MACROD2: variants seen among roughly 807,000 people sequenced by gnomAD.
MACROD2 encodes mono-ADP ribosylhydrolase 2.
In MACROD2, 36 loss-of-function variants were observed where a neutral mutation model predicts 70.4. The observed-to-expected ratio is 0.51, with a 90% confidence interval of 0.39 to 0.68. The LOEUF (loss-of-function observed/expected upper bound fraction) is 0.68. Ranked by LOEUF, MACROD2 falls within the 30% of genes least tolerant of loss-of-function variation. MACROD2 has a pLI of 0.00. For synonymous variants in MACROD2, 172 were observed against 178.8 expected, an observed-to-expected ratio of 0.96 and a Z score of 0.30; for missense variants, 496 against 538.4, an observed-to-expected ratio of 0.92 and a Z score of 0.78.
Position 13,995,587 on chromosome 20 carries a change from G to A in MACROD2, c.-177G>A. On this transcript the variant is annotated 5_prime_UTR_variant, in exon 1 of 18. Transcript: ENST00000684519. This position sits in a 1 kb window ranked among gnomAD's most constrained non-coding sequence, Gnocchi z 4.3. ...GGGTGGGAGCCGGAGCCGAGCGCGGGCTGAGGGAGGAGGGCGGCGACTGGA... is the reference window on the plus strand; with the variant it reads ...GGGTGGGAGCCGGAGCCGAGCGCGGACTGAGGGAGGAGGGCGGCGACTGGA... 1.4e-6 allele frequency: 1 copy of A among 690,628 alleles called. No homozygotes were observed. Among genetic ancestry groups the A allele is most frequent in the East Asian group, 2.7e-5 (1 of 36,614 alleles). 42.8% of individuals were successfully genotyped at this position (690,628 alleles called of 1,614,324 possible). A position where few individuals can be genotyped will look rare whatever the true frequency, so the allele number is the denominator to read the frequency against.
chr20:15,029,284 T>A (rs1479493395), intron 5 of MACROD2, among the ~76,000 whole-genome samples: 1 of 152,234 alleles, frequency 6.6e-6, no homozygotes, highest in East Asian at 1.9e-4. Flanking sequence ...TAAATTCTCA[T>A]TCTAATTCAG....
intron 3 of MACROD2, among the ~76,000 whole-genome samples, chr20:14,146,298 G>T (rs1031174265): frequency 1.3e-5 from 2 of 152,036 alleles, no homozygotes; most frequent in African/African-American, 2.4e-5. Flanking sequence ...CAGCCTGGGC[G>T]ACAGAGCGAG....
At chr20:14,792,973 T>G (rs1368494631) in intron 5 of MACROD2, among the ~76,000 whole-genome samples, 1 of 152,060 alleles carries the variant, frequency 6.6e-6, no homozygotes, top group African/African-American at 2.4e-5. Flanking sequence ...TAATTGTTTA[T>G]GCAATCATCT....
At chr20:15,234,007 A>ATTTTTTTTTTTTTTTT (rs2076986527) in intron 6 of MACROD2, among the ~76,000 whole-genome samples, 2 of 49,662 alleles carry the variant, frequency 4.0e-5, no homozygotes, top group African/African-American at 6.4e-5. Flanking sequence ...ATATATATAT[A>ATTTTTTTTTTTTTTTT]TATTCTTTTT....
At chr20:14,035,694 C>T (rs748840337) in intron 2 of MACROD2, among the ~76,000 whole-genome samples, 12 of 152,258 alleles carry the variant, frequency 7.9e-5, no homozygotes, top group Non-Finnish European at 1.6e-4. Flanking sequence ...TGAATAATAA[C>T]GTATATGGTT....
chr20:14,415,340 T>C (rs2083792177), intron 3 of MACROD2, among the ~76,000 whole-genome samples: 1 of 148,906 alleles, frequency 6.7e-6, no homozygotes, highest in African/African-American at 2.6e-5. Context: ...TTTTGAATTT[T>C]ACAGTTGAAC....
intron 6 of MACROD2, among the ~76,000 whole-genome samples, chr20:15,414,393 C>T (rs2046118919): frequency 6.6e-6 from 1 of 152,164 alleles, no homozygotes; most frequent in East Asian, 1.9e-4. Context: ...CTTGTCTGCA[C>T]ATTTATGTTT....
rs2146109208 is a variant in MACROD2, at chr20:15,292,401, C to T, written c.540+62340C>T. ...GGAGGTATTTAGTAAAAAATTGTTGCACCTATCTTTTTCTTAGCTTATCAC... is the reference window on the plus strand; with the variant it reads ...GGAGGTATTTAGTAAAAAATTGTTGTACCTATCTTTTTCTTAGCTTATCAC... On this transcript the variant is annotated intron_variant, in intron 6 of 17. Coordinates refer to ENST00000684519, the MANE Select transcript of MACROD2 (RefSeq NM_001351661.2). 1.3e-5 allele frequency among the ~76,000 whole-genome samples: 2 copies of T among 152,278 alleles called. 1 individual carries two copies. Among genetic ancestry groups the T allele is most frequent in the South Asian group, 4.1e-4 (2 of 4,830 alleles).
At chr20:14,855,677 G>A (rs1227634085) in intron 5 of MACROD2, among the ~76,000 whole-genome samples, 2 of 137,386 alleles carry the variant, frequency 1.5e-5, no homozygotes, top group East Asian at 2.2e-4. Flanking sequence ...GCATACAATG[G>A]CTTATTGTAA....
intron 3 of MACROD2, among the ~76,000 whole-genome samples, chr20:14,117,232 A>G (rs1238235928): frequency 6.6e-6 from 1 of 152,072 alleles, no homozygotes; most frequent in Non-Finnish European, 1.5e-5. Context: ...CAGTCTTCCA[A>G]TTTCTGTTGA....
At chr20:15,421,354 A>G (rs1030243351) in intron 6 of MACROD2, among the ~76,000 whole-genome samples, 6 of 145,430 alleles carry the variant, frequency 4.1e-5, no homozygotes, top group African/African-American at 1.0e-4. Context: ...ACTCCAACCT[A>G]GGTGACAGAG....
In MACROD2 at chr20:14,881,340, C is replaced by G. The variant is rs958665305; in HGVS notation, c.418+196381C>G. On this transcript the variant is annotated intron_variant, in intron 5 of 17. Transcript: ENST00000684519. ...CTACCACCTCTGTTGACTTAAAGGT[C>G]AAACCTAGAACAAGCCTTGGTCTCT... Among the ~76,000 whole-genome samples the G allele has an allele frequency of 4.0e-5, 6 of 150,734 alleles. No homozygotes were observed. In the East Asian group the frequency reaches 5.8e-4, roughly 15 times the overall value.
chr20:15,822,018 T>C (rs535826317), intron 8 of MACROD2, among the ~76,000 whole-genome samples: 2 of 152,338 alleles, frequency 1.3e-5, no homozygotes, highest in East Asian at 1.9e-4. Context: ...ATGAACTACA[T>C]TGAAATTCTG....
intron 5 of MACROD2, among the ~76,000 whole-genome samples, chr20:14,929,186 T>A (rs1481914629): frequency 6.6e-6 from 1 of 152,156 alleles, no homozygotes; most frequent in Admixed American, 6.6e-5. Context: ...GTTCTGGCTC[T>A]GGAGTTAGCA....
intron 4 of MACROD2, among the ~76,000 whole-genome samples, chr20:14,556,732 G>T (rs549209368): frequency 6.6e-6 from 1 of 152,044 alleles, no homozygotes; most frequent in South Asian, 2.1e-4. Context: ...CTTTTGAAAA[G>T]ATAAAGAAAT....
intron 3 of MACROD2, among the ~76,000 whole-genome samples, chr20:14,169,736 A>G (rs765329787): frequency 1.3e-5 from 2 of 151,978 alleles, no homozygotes; most frequent in Non-Finnish European, 2.9e-5. Flanking sequence ...TTTGTTATTC[A>G]TTTTACTTAT....
chr20:15,525,339 G>T (rs1223998006), intron 8 of MACROD2, among the ~76,000 whole-genome samples: 1 of 152,224 alleles, frequency 6.6e-6, no homozygotes, highest in East Asian at 1.9e-4. Flanking sequence ...TCCCTACAGA[G>T]TTCCTGGCAG....
intron 5 of MACROD2, among the ~76,000 whole-genome samples, chr20:15,204,691 C>A (rs1383090864): frequency 6.6e-6 from 1 of 152,090 alleles, no homozygotes; most frequent in East Asian, 1.9e-4. Flanking sequence ...ACTGCCAAGA[C>A]CTTTTTCGCT....
intron 8 of MACROD2, among the ~76,000 whole-genome samples, chr20:15,838,829 G>A (rs1225010166): frequency 6.6e-6 from 1 of 152,098 alleles, no homozygotes; most frequent in African/African-American, 2.4e-5. Context: ...CTGTAAGCTT[G>A]TAGTCTGGTT....
Sources: gnomAD v4.1 joint callset for allele counts (sites outside exome capture counted in the v4.1 genomes callset) on GRCh38, gnomAD v4.1.1 for gene constraint, Gnocchi (gnomAD v3.1) non-coding constraint, MANE v1.5 for transcripts, NCBI Gene and HGNC (gene_info 2026-07-23, HGNC 2026-07-21) for gene names.